COL2A1: variants seen among roughly 807,000 people sequenced by gnomAD.
COL2A1 encodes the protein collagen alpha-1(II) chain.
Under a neutral mutation model 204.5 loss-of-function variants are expected in COL2A1, and 28 were observed. That is an observed-to-expected ratio of 0.14 (90% CI 0.10 to 0.19). The LOEUF is 0.19. Among genes scored for constraint, COL2A1 ranks in the 10% least tolerant of loss-of-function variants. The pLI is 1.00. For missense variants in COL2A1, 1,388 were observed against 2,027.5 expected, an observed-to-expected ratio of 0.68 and a Z score of 6.06; for synonymous variants, 708 against 718.7, an observed-to-expected ratio of 0.99 and a Z score of 0.24.
chr12:47,991,826 T>C (rs1939722579), intron 16 of COL2A1, among the ~76,000 whole-genome samples: 1 of 152,188 alleles, frequency 6.6e-6, no homozygotes. Flanking sequence ...CAGTGTTTCT[T>C]GGCAGCCCCA....
chr12:47,978,087 C>T lies in COL2A1; in HGVS notation c.3034G>A (p.Ala1012Thr). The T allele has an allele frequency of 6.2e-7, 1 of 1,613,804 alleles. No individual in the cohort carries two copies. The highest frequency in any genetic ancestry group is 8.5e-7 in the Non-Finnish European group (1 of 1,179,998). Residue 1012 changes from alanine to threonine, a missense_variant, in exon 44 of 54, where the codon GCA (alanine) becomes ACA (threonine). This residue lies in a region of COL2A1 where 884 missense variants were observed against 1,415.8 expected (regional missense o/e 0.62). Coordinates refer to ENST00000380518, the MANE Select transcript of COL2A1 (RefSeq NM_001844.5). This position sits in a 1 kb window ranked among gnomAD's most constrained non-coding sequence, Gnocchi z 5.5. Reference sequence around the variant, plus strand: ...CCAGGAGGACCTCTGTCTCCAGATGCTCCAGGAGCACCCTGCTTGCCGGGC... The same window carrying T: ...CCAGGAGGACCTCTGTCTCCAGATGTTCCAGGAGCACCCTGCTTGCCGGGC... ...GEPGKQGAPG[A>T]SGDRGPPGPV...
intron 51 of COL2A1, 115 bp from the exon 52 acceptor site, chr12:47,974,977 G>A (rs750056467): frequency 1.8e-6 from 2 of 1,107,356 alleles, no homozygotes; most frequent in Non-Finnish European, 2.6e-6. Context: ...AAGGGATGAG[G>A]TTCACATGTG....
At chr12:47,998,821 A>C (rs1252620655) in intron 2 of COL2A1, 1 of 230,376 alleles carries the variant, frequency 4.3e-6, no homozygotes, top group Non-Finnish European at 8.5e-6. Flanking sequence ...TCCCAGAGGA[A>C]GAGTTAGGTA....
Position 47,998,169 on chromosome 12 carries a change from A to C in COL2A1, c.342T>G (p.Asp114Glu), listed in dbSNP as rs1341039824. Residue 114 changes from aspartate to glutamate, a missense_variant and splice_region_variant, in exon 4 of 54, where the codon GAT (aspartate) becomes GAG (glutamate). Physicochemically the swap from Asp to Glu is conservative, Grantham distance 45. Coordinates refer to ENST00000380518, the MANE Select transcript of COL2A1 (RefSeq NM_001844.5). ...CCGGGTGAGAATAATTTGCACTTAC[A>C]TCCTTGATGTCTCCAGGTTCTCCTT... is the stretch of plus-strand genomic sequence containing the variant. The part of the protein sequence containing the change: ...GQKGEPGDIK[D>E]IVGPKGPPGP... 6.2e-7 allele frequency: 1 copy of C among 1,614,162 alleles called. No homozygotes were observed. The highest frequency in any genetic ancestry group is 1.7e-5 in the Admixed American group (1 of 60,018).
In COL2A1 at chr12:47,984,484, CCT is replaced by C. The variant is rs1939274935; in HGVS notation, c.1887+60_1887+61del. On this transcript the variant is annotated intron_variant, in intron 28 of 53. Coordinates refer to ENST00000380518, the MANE Select transcript of COL2A1 (RefSeq NM_001844.5). ...GACCATGCCATGGGGAGGCCGTTCC[CCT>C]GTCCTCCCTGCAGATGCCCGGCCAA... The C allele has an allele frequency of 1.1e-5, 17 of 1,541,032 alleles. No individual in the cohort carries two copies. The East Asian group carries it at 3.8e-4, about 35-fold the overall frequency.
At position 47,987,582 on chromosome 12, in the gene COL2A1, C is replaced by T; in HGVS notation, c.1221+29G>A. 1.9e-6 allele frequency: 3 copies of T among 1,579,758 alleles called. No homozygotes were observed. Among genetic ancestry groups the T allele is most frequent in the Non-Finnish European group, 2.6e-6 (3 of 1,154,070 alleles). ...GTTCCAAAGCCACAGACCCCAGACC[C>T]CCCCAGGCCAAAGAGAAGCTGCACT... On this transcript the variant is annotated intron_variant, in intron 19 of 53. Transcript: ENST00000380518. This position sits in a 1 kb window ranked among gnomAD's most constrained non-coding sequence, Gnocchi z 4.1.
At chr12:47,975,732 G>A (rs1361485731) in intron 50 of COL2A1, 127 bp from the exon 51 acceptor site, 1 of 1,059,826 alleles carries the variant, frequency 9.4e-7, no homozygotes, top group Non-Finnish European at 1.4e-6. Context: ...AGGTGTAGCA[G>A]GCGAGGACCA....
intron 1 of COL2A1, 33 bp from the exon 2 acceptor site, chr12:48,000,158 G>T (rs1437742458): frequency 5.3e-6 from 8 of 1,516,446 alleles, no homozygotes; most frequent in Non-Finnish European, 7.3e-6. Context: ...GAAGCAGAGA[G>T]CCAAGGGAAG....
At chr12:47,989,852 T>C in intron 16 of COL2A1, 47 bp from the exon 17 acceptor site, 1 of 1,580,428 alleles carries the variant, frequency 6.3e-7, no homozygotes, top group Middle Eastern at 1.7e-4. Context: ...ACAGGCCCTG[T>C]CCGTCCCTGC....
In COL2A1 at chr12:47,982,905, G is replaced by A; in HGVS notation, c.2136C>T (p.Ala712=). The change falls in exon 33 of 54, where the codon GCC becomes GCT. Residue 712 remains alanine, a synonymous_variant. Transcript: ENST00000380518. ...GFPGERGSPG[A]QGLQGPRGLP... The stretch of plus-strand genomic sequence containing the variant: ...GGCCACGGGGACCCTGGAGGCCCTG[G>A]GCACCGGGAGAGCCACGTTCACCTG... The A allele has an allele frequency of 6.2e-7, 1 of 1,613,366 alleles. No individual in the cohort carries two copies. Among genetic ancestry groups the A allele is most frequent in the Non-Finnish European group, 8.5e-7 (1 of 1,179,906 alleles).
intron 52 of COL2A1, 58 bp downstream of exon 52, chr12:47,974,612 GAAAGA>G: frequency 6.4e-7 from 1 of 1,568,304 alleles, no homozygotes; most frequent in South Asian, 1.1e-5. Flanking sequence ...CTTCCAGGGA[GAAAGA>G]AAAGAAAGAG....
chr12:47,982,285 C>T, intron 34 of COL2A1, 125 bp from the exon 35 acceptor site: 1 of 925,814 alleles, frequency 1.1e-6, no homozygotes. Flanking sequence ...TTGCTGTGGT[C>T]TCAGGGTGGG....
chr12:47,978,420 A>T lies in COL2A1; in HGVS notation c.2896-22T>A, dbSNP rs1938850017. The T allele has an allele frequency of 3.1e-6, 5 of 1,610,456 alleles. No homozygotes were observed. The highest frequency in any genetic ancestry group is 4.2e-6 in the Non-Finnish European group (5 of 1,177,872). ...CACCCTGAGAGAGGAGAGGCAGGAG[A>T]TGAGAACTGACAGTGGCCCAGCCTC... On this transcript the variant is annotated intron_variant, in intron 42 of 53. Transcript: ENST00000380518. This position sits in a 1 kb window ranked among gnomAD's most constrained non-coding sequence, Gnocchi z 5.5.
intron 1 of COL2A1, among the ~76,000 whole-genome samples, chr12:48,003,475 T>C (rs1019490400): frequency 1.3e-5 from 2 of 152,158 alleles, no homozygotes; most frequent in African/African-American, 2.4e-5. Flanking sequence ...AAGCACGGTC[T>C]GGTTGGAATG....
chr12:47,982,075 G>A, intron 35 of COL2A1, 32 bp downstream of exon 35: 3 of 1,607,740 alleles, frequency 1.9e-6, no homozygotes, highest in Non-Finnish European at 2.6e-6. Flanking sequence ...GGATCCTAAT[G>A]CCCAGCAGTC....
At position 47,974,210 on chromosome 12, in the gene COL2A1, T is replaced by C; in HGVS notation, c.4196A>G (p.Tyr1399Cys). Residue 1399 changes from tyrosine to cysteine, a missense_variant, in exon 53 of 54, where the codon TAT (tyrosine) becomes TGT (cysteine). By Grantham distance (194) the Tyr-to-Cys change is radical. Transcript: ENST00000380518. ...GAGGTTGCCAGCTGCTTCGTCCAGA[T>C]AGGCAATGCTGTTCTTGCAGTGGTA... ...ITYHCKNSIA[Y>C]LDEAAGNLKK... The C allele has an allele frequency of 6.2e-7, 1 of 1,614,248 alleles. No homozygotes were observed. Among genetic ancestry groups the C allele is most frequent in the Non-Finnish European group, 8.5e-7 (1 of 1,180,036 alleles).
At chr12:47,989,992 G>A (rs989872537) in intron 16 of COL2A1, among the ~76,000 whole-genome samples, 187 bp from the exon 17 acceptor site, 7 of 135,726 alleles carry the variant, frequency 5.2e-5, no homozygotes, top group Admixed American at 5.1e-4. Context: ...AGGCAGTAAT[G>A]GGCTTCTTCT....
Position 47,987,604 on chromosome 12 carries a change from C to A in COL2A1, c.1221+7G>T, listed in dbSNP as rs1361537680. 6.2e-7 allele frequency: 1 copy of A among 1,609,344 alleles called. No individual in the cohort carries two copies. Among genetic ancestry groups the A allele is most frequent in the East Asian group, 2.2e-5 (1 of 44,780 alleles). On this transcript the variant is annotated splice_region_variant and intron_variant, in intron 19 of 53. Transcript: ENST00000380518. The surrounding 1 kb of genome is among the most constrained non-coding windows in gnomAD (Gnocchi z 4.1). ...ACCCCCCCAGGCCAAAGAGAAGCTG[C>A]ACTTACGGAGGCACCAGCAGGCCCA...
chr12:47,982,182 C>T lies in COL2A1; in HGVS notation c.2302-22G>A, dbSNP rs2276457. 612,619 of 1,607,110 alleles carry T rather than the reference C, an allele frequency of 0.38. 120,262 individuals carry two copies. Among genetic ancestry groups the T allele is most frequent in the East Asian group, 0.57 (25,468 of 44,802 alleles). On this transcript the variant is annotated intron_variant, in intron 34 of 53. Coordinates refer to ENST00000380518, the MANE Select transcript of COL2A1 (RefSeq NM_001844.5). ...CACCCTGAGGGAAGAGAAAACCAGC[C>T]GCCTCAGCCAGGCACCCCAGGACCC... is the stretch of plus-strand genomic sequence containing the variant.
Sources: allele counts gnomAD v4.1 joint callset (sites outside exome capture counted in the v4.1 genomes callset), GRCh38; gene constraint gnomAD v4.1.1; regional missense constraint gnomAD v4.1.1; non-coding constraint Gnocchi (gnomAD v3.1); transcripts MANE v1.5; gene names NCBI Gene and HGNC (gene_info 2026-07-23, HGNC 2026-07-21).